The following ATP8B4 variants were observed in gnomAD, a reference collection of about 807,000 sequenced individuals.
The protein encoded by ATP8B4 is probable phospholipid-transporting ATPase IM.
ATP8B4 carries 133 observed loss-of-function variants against 145.6 expected under a neutral mutation model. The observed-to-expected ratio is 0.91, with a 90% confidence interval of 0.79 to 1.05. ATP8B4 has a LOEUF of 1.05. Among genes scored for constraint, ATP8B4 ranks in the 50% least tolerant of loss-of-function variants. The pLI is 0.00. For synonymous variants in ATP8B4, 507 were observed against 492.9 expected, an observed-to-expected ratio of 1.03 and a Z score of -0.38; for missense variants, 1,458 against 1,425.2, an observed-to-expected ratio of 1.02 and a Z score of -0.37.
chr15:49,966,153 C>T (rs890934694), intron 13 of ATP8B4, among the ~76,000 whole-genome samples: 1 of 152,224 alleles, frequency 6.6e-6, no homozygotes, highest in Non-Finnish European at 1.5e-5. Flanking sequence ...CAGGTGCCTA[C>T]ACCACCAGGG....
At chr15:49,963,250 T>G (rs28649135) in intron 13 of ATP8B4, among the ~76,000 whole-genome samples, 12,071 of 152,162 alleles carry the variant, frequency 0.079, 530 homozygotes, top group Middle Eastern at 0.099. Flanking sequence ...GAATGGCTAT[T>G]ACTAAAAGGT....
At chr15:50,084,836 C>T (rs1274184046) in intron 2 of ATP8B4, among the ~76,000 whole-genome samples, 2 of 152,124 alleles carry the variant, frequency 1.3e-5, no homozygotes, top group Non-Finnish European at 2.9e-5. Context: ...TGCCCTTGAC[C>T]CTCCTGCCTC....
At chr15:50,069,817 C>T (rs2053611766) in intron 3 of ATP8B4, among the ~76,000 whole-genome samples, 1 of 152,074 alleles carries the variant, frequency 6.6e-6, no homozygotes. Flanking sequence ...GCTTTGTTAC[C>T]TTTTAGTTGC....
At chr15:50,172,731 T>C (rs890388885) in intron 1 of ATP8B4, among the ~76,000 whole-genome samples, 1 of 150,940 alleles carries the variant, frequency 6.6e-6, no homozygotes, top group African/African-American at 2.4e-5. Flanking sequence ...TCGTCTGAGA[T>C]GTGGGGAGCG....
At chr15:50,057,276 A>C (rs530409224) in intron 3 of ATP8B4, among the ~76,000 whole-genome samples, 2 of 152,216 alleles carry the variant, frequency 1.3e-5, no homozygotes, top group African/African-American at 2.4e-5. Flanking sequence ...CATCTCAGGC[A>C]GTCCTTAAAA....
intron 2 of ATP8B4, among the ~76,000 whole-genome samples, chr15:50,098,635 C>G (rs1244038559): frequency 6.6e-6 from 1 of 152,010 alleles, no homozygotes; most frequent in Non-Finnish European, 1.5e-5. Flanking sequence ...AAGGACTACT[C>G]CCACTAAAAG....
chr15:50,103,538 A>G (rs539370380), intron 2 of ATP8B4, among the ~76,000 whole-genome samples: 1 of 152,312 alleles, frequency 6.6e-6, no homozygotes, highest in East Asian at 1.9e-4. Context: ...CAAGGAGGTG[A>G]AAGACCTCTA....
intron 9 of ATP8B4, among the ~76,000 whole-genome samples, chr15:49,993,367 C>T (rs2047182201): frequency 7.4e-6 from 1 of 135,306 alleles, no homozygotes; most frequent in South Asian, 2.8e-4. Context: ...AAACCATGTG[C>T]TGATAGTAGT....
At chr15:50,121,491 G>A (rs917450340), upstream of ATP8B4, among the ~76,000 whole-genome samples, 4 of 152,078 alleles carry the variant, frequency 2.6e-5, no homozygotes, top group Non-Finnish European at 5.9e-5. Context: ...AATGATAAAT[G>A]TCATGTTATG....
chr15:50,039,018 A>G (rs1026845476), intron 5 of ATP8B4, among the ~76,000 whole-genome samples, 189 bp from the exon 6 acceptor site: 1 of 152,178 alleles, frequency 6.6e-6, no homozygotes, highest in Non-Finnish European at 1.5e-5. Flanking sequence ...TTCTCACTAC[A>G]TTACACTCCG....
chr15:50,168,521 GC>G (rs1270566385), intron 1 of ATP8B4, among the ~76,000 whole-genome samples: 1 of 152,162 alleles, frequency 6.6e-6, no homozygotes, highest in African/African-American at 2.4e-5. Flanking sequence ...CAGCAGAAAG[GC>G]CCTGGGAGCT....
intron 1 of ATP8B4, among the ~76,000 whole-genome samples, chr15:50,157,648 G>A (rs1000253861): frequency 6.6e-6 from 1 of 152,114 alleles, no homozygotes; most frequent in Admixed American, 6.5e-5. Context: ...TACCTGTGAA[G>A]AATATCATTG....
At position 49,858,484 on chromosome 15, in the gene ATP8B4, A is replaced by G. The variant is rs1436767032; in HGVS notation, c.*1710T>C. On this transcript the variant is annotated 3_prime_UTR_variant, in exon 28 of 28. Transcript: ENST00000284509. ...TAGGAAAGATTATCCCAGACTTGAA[A>G]ATTTTGGTTTTAAAAAATTGTGACC... 3 of 152,176 alleles carry G rather than the reference A, an allele frequency of 2.0e-5. No individual in the cohort carries two copies. Among genetic ancestry groups the G allele is most frequent in the Non-Finnish European group, 4.4e-5 (3 of 68,026 alleles). 9.4% of individuals were successfully genotyped at this position (152,176 alleles called of 1,614,324 possible).
intron 2 of ATP8B4, among the ~76,000 whole-genome samples, chr15:50,097,514 T>C (rs1010082508): frequency 6.6e-6 from 1 of 152,212 alleles, no homozygotes; most frequent in Admixed American, 6.6e-5. Context: ...GAGAAGTCGT[T>C]GTAAATGCCT....
intron 2 of ATP8B4, among the ~76,000 whole-genome samples, chr15:50,078,169 T>C (rs1266705711): frequency 2.0e-5 from 3 of 151,860 alleles, no homozygotes; most frequent in African/African-American, 7.3e-5. Flanking sequence ...ATAGGTTTTT[T>C]AGAGATGCTC....
Position 49,860,065 on chromosome 15 carries a change from G to T in ATP8B4, c.*129C>A. Reference sequence around the variant, plus strand: ...TGATGGGCACTGGCAGTTGTCTGCCGCAGATTTAAGTTAAGTGAGGCAATC... The same window carrying T: ...TGATGGGCACTGGCAGTTGTCTGCCTCAGATTTAAGTTAAGTGAGGCAATC... On this transcript the variant is annotated 3_prime_UTR_variant, in exon 28 of 28. Coordinates refer to ENST00000284509, the MANE Select transcript of ATP8B4 (RefSeq NM_024837.4). The T allele has an allele frequency of 8.7e-7, 1 of 1,154,698 alleles. No homozygotes were observed. The highest frequency in any genetic ancestry group is 1.2e-6 in the Non-Finnish European group (1 of 820,328). The allele number at this position is 1,154,698 out of a possible 1,614,324, so 71.5% of individuals were successfully genotyped here.
chr15:49,931,085 A>G (rs1049275949), intron 16 of ATP8B4, 34 bp downstream of exon 16: 2 of 1,569,830 alleles, frequency 1.3e-6, no homozygotes, highest in Non-Finnish European at 1.7e-6. Context: ...AACAGTATGA[A>G]AAGATCAAAA....
chr15:49,987,388 T>TA lies in ATP8B4; in HGVS notation c.748+2dup. On this transcript the variant is annotated splice_region_variant and intron_variant, in intron 10 of 27. Transcript: ENST00000284509. ...AGAGCTGGCCTTGGGTCACATGCTG[T>TA]ACCTGCAAAAATAACCATTCCAAAA... 1.2e-6 allele frequency: 2 copies of TA among 1,613,386 alleles called. No homozygotes were observed. Among genetic ancestry groups the TA allele is most frequent in the South Asian group, 2.2e-5 (2 of 91,032 alleles).
chr15:50,150,138 T>C (rs918262966), intron 1 of ATP8B4, among the ~76,000 whole-genome samples: 15 of 152,118 alleles, frequency 9.9e-5, no homozygotes, highest in African/African-American at 3.6e-4. Context: ...TTTGAGATAA[T>C]TATCCTTGGC....
Sources: gnomAD v4.1 joint callset for allele counts (sites outside exome capture counted in the v4.1 genomes callset) on GRCh38, gnomAD v4.1.1 for gene constraint, MANE v1.5 for transcripts, NCBI Gene and HGNC (gene_info 2026-07-23, HGNC 2026-07-21) for gene names.